The following PNN variants were observed in gnomAD, a reference collection of about 807,000 sequenced individuals.
PNN encodes the protein pinin.
In PNN, 38 loss-of-function variants were observed where a neutral mutation model predicts 76.6. That is an observed-to-expected ratio of 0.50 (90% confidence interval 0.38 to 0.65). PNN has a LOEUF of 0.65. PNN is among the 30% of genes least tolerant of loss of function. The probability of loss-of-function intolerance (pLI) is 0.00; values close to 1 mark genes in which losing one functional copy is unlikely to be tolerated. For missense variants in PNN, 873 were observed against 874.1 expected (o/e 1.00, Z 0.02); for synonymous variants, 366 against 283.7 (o/e 1.29, Z -2.91).
intron 8 of PNN, 64 bp from the exon 9 acceptor site, chr14:39,180,439 T>C (rs2053260552): frequency 2.5e-5 from 37 of 1,460,084 alleles, no homozygotes; most frequent in Non-Finnish European, 3.1e-5. Context: ...TGACCAGTTA[T>C]AAAATTATGG....
chr14:39,177,742 C>A, intron 5 of PNN, 55 bp downstream of exon 5: 11 of 1,475,366 alleles, frequency 7.5e-6, no homozygotes, highest in Non-Finnish European at 1.0e-5. Flanking sequence ...TAAGGAAAAT[C>A]AAGGGATTGT....
Position 39,180,912 on chromosome 14 carries a change from T to C in PNN, c.1203T>C (p.Ala401=). ...TTGAGAATGTCAAACATGTAATTGC[T>C]GACCAGGAGGTAATGGAAACTAATC... ...EMVENVKHVI[A]DQEVMETNRV... Residue 401 remains alanine, a synonymous_variant, in exon 9 of 9, where the codon GCT becomes GCC. Transcript: ENST00000216832. 6.2e-7 allele frequency: 1 copy of C among 1,614,178 alleles called. No individual in the cohort carries two copies. The highest frequency in any genetic ancestry group is 1.3e-5 in the African/African-American group (1 of 75,050).
At position 39,177,448 on chromosome 14, in the gene PNN, C is replaced by T; in HGVS notation, c.291C>T (p.Arg97=). 1 of 1,613,930 alleles carries T rather than the reference C, an allele frequency of 6.2e-7. No individual in the cohort carries two copies. The highest frequency in any genetic ancestry group is 2.2e-5 in the East Asian group (1 of 44,884). ...AGCGTCGGACCAGAAGAGAATCACGCCAGGAAAGCGACCCGGAGGATGATG... is the reference window on the plus strand; with the variant it reads ...AGCGTCGGACCAGAAGAGAATCACGTCAGGAAAGCGACCCGGAGGATGATG... The part of the protein sequence containing the change: ...GGERRTRRES[R]QESDPEDDDV... The change falls in exon 4 of 9, where the codon CGC becomes CGT. Residue 97 remains arginine (R), a synonymous_variant. Coordinates refer to ENST00000216832, the MANE Select transcript of PNN (RefSeq NM_002687.4).
In PNN at chr14:39,177,581, C is replaced by A. The variant is rs758980560; in HGVS notation, c.328-12C>A. Reference sequence around the variant, plus strand: ...ATGCTAGTTAAATTACTGAGATTTTCTTTTTCTGCAGCCAGCATTGCAGTC... The same window carrying A: ...ATGCTAGTTAAATTACTGAGATTTTATTTTTCTGCAGCCAGCATTGCAGTC... On this transcript the variant is annotated splice_polypyrimidine_tract_variant and intron_variant, in intron 4 of 8. Transcript: ENST00000216832. The A allele has an allele frequency of 3.7e-6, 6 of 1,612,008 alleles. No individual in the cohort carries two copies. The South Asian group carries it at 6.6e-5, about 18-fold the overall frequency.
Position 39,181,098 on chromosome 14 carries a change from A to G in PNN, c.1389A>G (p.Glu463=). ...AAAAGGAGTCTGAGGAAAAAGAAGA[A>G]AAAGAATCTGAGCCCCAACCTGAGC... The part of the protein sequence containing the change: ...DMEKESEEKE[E]KESEPQPEPV... Residue 463 remains glutamate (E), a synonymous_variant, in exon 9 of 9, where the codon GAA becomes GAG. Transcript: ENST00000216832. 6.2e-7 allele frequency: 1 copy of G among 1,613,858 alleles called. No individual in the cohort carries two copies. Among genetic ancestry groups the G allele is most frequent in the Non-Finnish European group, 8.5e-7 (1 of 1,179,832 alleles).
rs1190872564 is a variant in PNN at position 39,181,776 on chromosome 14, G to T, written c.2067G>T (p.Arg689Ser). 4.3e-6 allele frequency: 7 copies of T among 1,613,866 alleles called. No individual in the cohort carries two copies. Among genetic ancestry groups the T allele is most frequent in the Non-Finnish European group, 5.9e-6 (7 of 1,179,934 alleles). ...KDKNSRSDRK[R>S]SISESSRSGK... ...AGAATTCCCGGTCCGACAGAAAGAG[G>T]TCTATATCAGAGAGTAGTCGATCAG... The change falls in exon 9 of 9, where the codon AGG becomes AGT. Residue 689 changes from arginine to serine, a missense_variant. Arg to Ser is a moderately radical substitution (Grantham distance 110). This residue lies in a region of PNN where 712 missense variants were observed against 693.1 expected (regional missense o/e 1.03). Coordinates refer to ENST00000216832, the MANE Select transcript of PNN (RefSeq NM_002687.4).
At chr14:39,176,893 C>A (rs1415616840) in intron 3 of PNN, among the ~76,000 whole-genome samples, 7 of 152,108 alleles carry the variant, frequency 4.6e-5, no homozygotes, top group African/African-American at 1.7e-4. Context: ...AAAACTTAAC[C>A]AGTTTGAAAT....
chr14:39,176,027 G>T, intron 1 of PNN, 51 bp from the exon 2 acceptor site: 4 of 942,778 alleles, frequency 4.2e-6, no homozygotes, highest in South Asian at 4.1e-5. Context: ...ATTTGGGTGC[G>T]ACTGTGTGTG....
rs1259097162 is a variant in PNN, at chr14:39,177,446, C to T, written c.289C>T (p.Arg97Cys). The change falls in exon 4 of 9, where the codon CGC becomes TGC. Residue 97 changes from arginine to cysteine, a missense_variant. Arg to Cys is a radical substitution (Grantham distance 180, BLOSUM62 -3). This residue lies in a region of PNN where 156 missense variants were observed against 161.7 expected (regional missense o/e 0.96). Transcript: ENST00000216832. The part of the protein sequence containing the change: ...GGERRTRRES[R>C]QESDPEDDDV... ...GGAGCGTCGGACCAGAAGAGAATCA[C>T]GCCAGGAAAGCGACCCGGAGGATGA... 1.9e-6 allele frequency: 3 copies of T among 1,613,994 alleles called. No individual in the cohort carries two copies. The highest frequency in any genetic ancestry group is 1.7e-5 in the Admixed American group (1 of 60,010).
rs2053260443 is a variant in PNN at position 39,180,413 on chromosome 14, G to A, written c.794-90G>A. ...CTTTACAAAAACAAATTCAGATGAAGCTTAATGACAATTTGTGACCAGTTA... is the reference window on the plus strand; with the variant it reads ...CTTTACAAAAACAAATTCAGATGAAACTTAATGACAATTTGTGACCAGTTA... On this transcript the variant is annotated intron_variant, in intron 8 of 8. Coordinates refer to ENST00000216832, the MANE Select transcript of PNN (RefSeq NM_002687.4). 2.9e-6 allele frequency: 4 copies of A among 1,357,670 alleles called. No homozygotes were observed. In the Admixed American group the frequency reaches 9.3e-5, roughly 32 times the overall value. The allele number at this position is 1,357,670 out of a possible 1,614,324, so 84.1% of individuals were successfully genotyped here.
In PNN at chr14:39,181,597, G is replaced by A. The variant is rs377720240; in HGVS notation, c.1888G>A (p.Glu630Lys). The change falls in exon 9 of 9, where the codon GAG (glutamate) becomes AAG (lysine). Residue 630 changes from glutamate (E) to lysine (K), a missense_variant. By Grantham distance (56) the Glu-to-Lys change is moderately conservative. Around this residue, in one of 3 missense-constraint regions of PNN, gnomAD observed 712 missense variants for 693.1 expected, o/e 1.03. Transcript: ENST00000216832. ...TAGCAGTAGCACTAGTAGTAGTAGTGAGAGTAGAAGTCGGAGTAGGGGCCG... is the reference window on the plus strand; with the variant it reads ...TAGCAGTAGCACTAGTAGTAGTAGTAAGAGTAGAAGTCGGAGTAGGGGCCG... Reference protein sequence around the residue: ...DSSSSTSSSSESRSRSRGRGH... With the variant: ...DSSSSTSSSSKSRSRSRGRGH... 285 of 1,613,868 alleles carry A rather than the reference G, an allele frequency of 1.8e-4. No homozygotes were observed. Among genetic ancestry groups the A allele is most frequent in the Non-Finnish European group, 2.4e-4 (281 of 1,179,934 alleles).
At chr14:39,180,013 ATTCC>A (rs1297610162) in intron 8 of PNN, among the ~76,000 whole-genome samples, 1 of 152,002 alleles carries the variant, frequency 6.6e-6, no homozygotes, top group African/African-American at 2.4e-5. Context: ...ATGCATCTGT[ATTCC>A]TTAAGCATTT....
chr14:39,180,860 A>T lies in PNN; in HGVS notation c.1151A>T (p.Glu384Val). Residue 384 changes from glutamate (E) to valine (V), a missense_variant, in exon 9 of 9, where the codon GAA becomes GTA. Physicochemically the swap from Glu to Val is moderately radical, Grantham distance 121. Around this residue, in one of 3 missense-constraint regions of PNN, gnomAD observed 712 missense variants for 693.1 expected, o/e 1.03. Coordinates refer to ENST00000216832, the MANE Select transcript of PNN (RefSeq NM_002687.4). Reference sequence around the variant, plus strand: ...GAGAAGCAGCAGGATAGTCAGCCTGAAGAAGTTATGGATGTGCTAGAGATG... The same window carrying T: ...GAGAAGCAGCAGGATAGTCAGCCTGTAGAAGTTATGGATGTGCTAGAGATG... ...ESEKQQDSQP[E>V]EVMDVLEMVE... 1.2e-6 allele frequency: 2 copies of T among 1,614,204 alleles called. No homozygotes were observed.
chr14:39,177,764 G>T, intron 5 of PNN, 77 bp downstream of exon 5: 1 of 1,439,938 alleles, frequency 6.9e-7, no homozygotes, highest in Non-Finnish European at 9.8e-7. Context: ...CAAGCATCCT[G>T]TAGTATTTCT....
In PNN at chr14:39,182,721, C is replaced by CT. The variant is rs1400573523; in HGVS notation, c.*860dup. ...TGTCTTAACTTTGTGTTGGCTCTAA[C>CT]TTAAACATGCTGATATGTGTTTTCA... On this transcript the variant is annotated 3_prime_UTR_variant, in exon 9 of 9. Coordinates refer to ENST00000216832, the MANE Select transcript of PNN (RefSeq NM_002687.4). The CT allele has an allele frequency of 6.6e-6, 1 of 152,604 alleles. No homozygotes were observed. Among genetic ancestry groups the CT allele is most frequent in the Non-Finnish European group, 1.5e-5 (1 of 68,038 alleles). The allele number at this position is 152,604 out of a possible 1,614,324, so 9.5% of individuals were successfully genotyped here.
In PNN at chr14:39,181,875, A is replaced by G. The variant is rs747376898; in HGVS notation, c.*12A>G. ...ACAAAAGGCGTTAATGGAAGAAGCCAGGCTTTCTTAGCCATTCTTTGCAGC... is the reference window on the plus strand; with the variant it reads ...ACAAAAGGCGTTAATGGAAGAAGCCGGGCTTTCTTAGCCATTCTTTGCAGC... On this transcript the variant is annotated 3_prime_UTR_variant, in exon 9 of 9. Transcript: ENST00000216832. The G allele has an allele frequency of 6.4e-7, 1 of 1,552,104 alleles. No homozygotes were observed. Among genetic ancestry groups the G allele is most frequent in the South Asian group, 1.3e-5 (1 of 79,832 alleles).
rs1467767221 is a variant in PNN at position 39,177,631 on chromosome 14, G to A, written c.366G>A (p.Glu122=). The A allele has an allele frequency of 6.2e-7, 1 of 1,613,834 alleles. No homozygotes were observed. The highest frequency in any genetic ancestry group is 8.5e-7 in the Non-Finnish European group (1 of 1,179,882). ...CTTCAGTTGTAGCTACCTCCAAAGA[G>A]CGCACACGTAGAGACCTTATCCAGG... ...LQSSVVATSK[E]RTRRDLIQDQ... Residue 122 remains glutamate, a synonymous_variant, in exon 5 of 9, where the codon GAG becomes GAA. Transcript: ENST00000216832.
At position 39,177,475 on chromosome 14, in the gene PNN, T is replaced by C. The variant is rs1171383094; in HGVS notation, c.318T>C (p.Asp106=). 1.9e-6 allele frequency: 3 copies of C among 1,613,808 alleles called. No individual in the cohort carries two copies. The highest frequency in any genetic ancestry group is 2.2e-5 in the East Asian group (1 of 44,884). Residue 106 remains aspartate (D), a synonymous_variant, in exon 4 of 9, where the codon GAT becomes GAC. Coordinates refer to ENST00000216832, the MANE Select transcript of PNN (RefSeq NM_002687.4). ...SRQESDPEDD[D]VKKPALQSSV... is the part of the protein sequence containing the mutation. ...AGGAAAGCGACCCGGAGGATGATGATGTTAAAAAGGTATTGAGATTGAAAG... is the reference window on the plus strand; with the variant it reads ...AGGAAAGCGACCCGGAGGATGATGACGTTAAAAAGGTATTGAGATTGAAAG...
At position 39,181,129 on chromosome 14, in the gene PNN, GCTCAAC is replaced by G. The variant is rs758783747; in HGVS notation, c.1425_1430del (p.Pro478_Gln479del). 8.9e-5 allele frequency: 144 copies of G among 1,611,650 alleles called. No individual in the cohort carries two copies. Among genetic ancestry groups the G allele is most frequent in the Middle Eastern group, 1.6e-4 (1 of 6,080 alleles). On this transcript the variant is annotated inframe_deletion, in exon 9 of 9. Transcript: ENST00000216832. ...ATCTGAGCCCCAACCTGAGCCTGTG[GCTCAAC>G]CTCAGCCTCAGTCTCAGCCCCAGCT...
Sources: allele counts gnomAD v4.1 joint callset (sites outside exome capture counted in the v4.1 genomes callset), GRCh38; gene constraint gnomAD v4.1.1; regional missense constraint gnomAD v4.1.1; transcripts MANE v1.5; gene names NCBI Gene and HGNC (gene_info 2026-07-23, HGNC 2026-07-21).